The following INPP5A variants were observed in gnomAD, a reference collection of about 807,000 sequenced individuals.
INPP5A encodes the protein 43 kDa inositol polyphosphate 5-phophatase.
A neutral mutation model predicts 65.2 loss-of-function variants in INPP5A; 14 were observed. The ratio of observed to expected loss-of-function variants is 0.21; its 90% CI spans 0.14 to 0.34. INPP5A has a LOEUF of 0.34. Among genes scored for constraint, INPP5A ranks in the 10% least tolerant of loss-of-function variants. The pLI is 1.00. For synonymous variants in INPP5A, 207 were observed against 208.3 expected (o/e 0.99, Z 0.05); for missense variants, 431 against 545.6 (o/e 0.79, Z 2.09).
intron 1 of INPP5A, among the ~76,000 whole-genome samples, chr10:132,606,145 G>A (rs894406894): frequency 6.6e-6 from 1 of 152,202 alleles, no homozygotes; most frequent in Admixed American, 6.5e-5. Flanking sequence ...GCACGCAGCT[G>A]CAGCTGGATG....
chr10:132,555,048 G>C lies in INPP5A; in HGVS notation c.75+16877G>C, dbSNP rs556450055. 1.3e-5 allele frequency among the ~76,000 whole-genome samples: 2 copies of C among 151,392 alleles called. No homozygotes were observed. Among genetic ancestry groups the C allele is most frequent in the Admixed American group, 1.3e-4 (2 of 15,200 alleles). Reference sequence around the variant, plus strand: ...CATGGTATTGTGTGTGGCATGATTGGTATGGGTGGCGTGGTTGGCATTGAT... The same window carrying C: ...CATGGTATTGTGTGTGGCATGATTGCTATGGGTGGCGTGGTTGGCATTGAT... On this transcript the variant is annotated intron_variant, in intron 1 of 15. Transcript: ENST00000368594. The surrounding 1 kb of genome is among the most constrained non-coding windows in gnomAD (Gnocchi z 4.4).
At chr10:132,696,489 A>G (rs562353750) in intron 5 of INPP5A, among the ~76,000 whole-genome samples, 53 of 152,322 alleles carry the variant, frequency 3.5e-4, no homozygotes, top group African/African-American at 1.2e-3. Context: ...TTATTTGGTG[A>G]TAAAAAGAAA....
intron 1 of INPP5A, among the ~76,000 whole-genome samples, chr10:132,558,735 T>C (rs1304147839): frequency 6.6e-6 from 1 of 152,248 alleles, no homozygotes; most frequent in East Asian, 1.9e-4. Context: ...TCGCATGCAG[T>C]TGACCAGCTT....
At chr10:132,715,770 T>G (rs1845728555) in intron 8 of INPP5A, among the ~76,000 whole-genome samples, 1 of 152,252 alleles carries the variant, frequency 6.6e-6, no homozygotes, top group Admixed American at 6.5e-5. Flanking sequence ...ACACTCCCGC[T>G]GGCCTCGGAG....
Position 132,575,640 on chromosome 10 carries a change from A to G in INPP5A, c.76-32275A>G, listed in dbSNP as rs1321864281. ...GTGCGTTTATTTGAAATCCGTAAAC[A>G]GTGTTTATCTTGGCGAGGAGGAATC... On this transcript the variant is annotated intron_variant, in intron 1 of 15. Coordinates refer to ENST00000368594, the MANE Select transcript of INPP5A (RefSeq NM_005539.5). The surrounding 1 kb of genome is among the most constrained non-coding windows in gnomAD (Gnocchi z 5.4). 1.3e-5 allele frequency among the ~76,000 whole-genome samples: 2 copies of G among 152,290 alleles called. No homozygotes were observed. Among genetic ancestry groups the G allele is most frequent in the African/African-American group, 2.4e-5 (1 of 41,558 alleles).
intron 13 of INPP5A, among the ~76,000 whole-genome samples, chr10:132,778,672 G>A (rs1847105143): frequency 6.6e-6 from 1 of 152,210 alleles, no homozygotes; most frequent in Non-Finnish European, 1.5e-5. Flanking sequence ...GAAGGAGGCT[G>A]GAGACTCTGG....
At position 132,627,052 on chromosome 10, in the gene INPP5A, C is replaced by A. The variant is rs1233267235; in HGVS notation, c.118-18816C>A. On this transcript the variant is annotated intron_variant, in intron 2 of 15. Transcript: ENST00000368594. This position sits in a 1 kb window ranked among gnomAD's most constrained non-coding sequence, Gnocchi z 6.6. ...GGGTGAGATGAGGTTATGCGGTGGGCCCCCCGGATGGGATGGGTGCCCTTA... is the reference window on the plus strand; with the variant it reads ...GGGTGAGATGAGGTTATGCGGTGGGACCCCCGGATGGGATGGGTGCCCTTA... Among the ~76,000 whole-genome samples, 1 of 151,816 alleles carries A rather than the reference C, an allele frequency of 6.6e-6. No individual in the cohort carries two copies. Among genetic ancestry groups the A allele is most frequent in the Non-Finnish European group, 1.5e-5 (1 of 67,836 alleles).
At chr10:132,618,657 C>G (rs112875307) in intron 2 of INPP5A, among the ~76,000 whole-genome samples, 3,550 of 152,104 alleles carry the variant, frequency 0.023, 50 homozygotes, top group South Asian at 0.039. Context: ...AGGTTTAATT[C>G]GCTCACGGTT....
chr10:132,705,266 T>A lies in INPP5A; in HGVS notation c.475-3047T>A, dbSNP rs1396159564. Among the ~76,000 whole-genome samples the A allele has an allele frequency of 2.0e-5, 3 of 151,836 alleles. No homozygotes were observed. Among genetic ancestry groups the A allele is most frequent in the Non-Finnish European group, 4.4e-5 (3 of 67,940 alleles). Reference sequence around the variant, plus strand: ...GCCTCCCCGAGAGAGGAGGCGGACATGTTTGGAATCAGAGACAAGTGTCTG... The same window carrying A: ...GCCTCCCCGAGAGAGGAGGCGGACAAGTTTGGAATCAGAGACAAGTGTCTG... On this transcript the variant is annotated intron_variant, in intron 6 of 15. Transcript: ENST00000368594. This position sits in a 1 kb window ranked among gnomAD's most constrained non-coding sequence, Gnocchi z 4.9.
At chr10:132,541,369 C>G (rs79147925) in intron 1 of INPP5A, among the ~76,000 whole-genome samples, 2,901 of 152,236 alleles carry the variant, frequency 0.019, 39 homozygotes, top group South Asian at 0.031. Flanking sequence ...CTCAGCAGCC[C>G]CTGTTTGCTC....
intron 1 of INPP5A, among the ~76,000 whole-genome samples, chr10:132,576,247 C>T (rs1338081467): frequency 1.3e-5 from 2 of 152,194 alleles, no homozygotes; most frequent in Admixed American, 6.5e-5. Context: ...GCTGGTGTGC[C>T]CCTCCTGCCC....
chr10:132,679,656 A>T (rs544529331), intron 4 of INPP5A, among the ~76,000 whole-genome samples: 2 of 152,222 alleles, frequency 1.3e-5, no homozygotes, highest in African/African-American at 4.8e-5. Context: ...CAAATAAATA[A>T]TTCTGGATTA....
chr10:132,596,975 GCGTGTGTGCATGCA>G (rs2071708717), intron 1 of INPP5A, among the ~76,000 whole-genome samples: 2 of 140,280 alleles, frequency 1.4e-5, no homozygotes, highest in Non-Finnish European at 3.1e-5. Context: ...GTGTGTGCAT[GCGTGTGTGCATGCA>G]CGTGTGTTTG....
chr10:132,744,370 G>A (rs1445263392), intron 9 of INPP5A, among the ~76,000 whole-genome samples: 3 of 152,218 alleles, frequency 2.0e-5, no homozygotes. Context: ...AGCGGCCGCT[G>A]TCACCGAGGC....
intron 5 of INPP5A, among the ~76,000 whole-genome samples, chr10:132,691,532 G>T (rs1264389618): frequency 6.6e-6 from 1 of 152,258 alleles, no homozygotes; most frequent in East Asian, 1.9e-4. Context: ...CCGCGGATCT[G>T]CAGACCTTTT....
chr10:132,735,290 G>A (rs570698297), intron 9 of INPP5A, among the ~76,000 whole-genome samples: 2 of 152,344 alleles, frequency 1.3e-5, no homozygotes, highest in African/African-American at 4.8e-5. Flanking sequence ...CTCTGGGGTG[G>A]TTTTCAGATT....
At chr10:132,655,539 T>G (rs913103885) in intron 4 of INPP5A, among the ~76,000 whole-genome samples, 5 of 152,320 alleles carry the variant, frequency 3.3e-5, no homozygotes, top group African/African-American at 1.2e-4. Flanking sequence ...AGAGCCGACG[T>G]CGGCCAGAGG....
intron 9 of INPP5A, among the ~76,000 whole-genome samples, chr10:132,730,346 G>A (rs1015541604): frequency 5.9e-5 from 9 of 152,236 alleles, no homozygotes; most frequent in Admixed American, 3.3e-4. Flanking sequence ...TGGGCGAGTC[G>A]GGTGACAGAC....
intron 12 of INPP5A, among the ~76,000 whole-genome samples, chr10:132,770,515 C>G (rs935424849): frequency 1.2e-4 from 19 of 152,210 alleles, no homozygotes; most frequent in Admixed American, 3.3e-4. Context: ...CTGCATCATT[C>G]ATTTATTAAG....
Sources: gnomAD v4.1 joint callset for allele counts (sites outside exome capture counted in the v4.1 genomes callset) on GRCh38, gnomAD v4.1.1 for gene constraint, Gnocchi (gnomAD v3.1) non-coding constraint, MANE v1.5 for transcripts, NCBI Gene and HGNC (gene_info 2026-07-23, HGNC 2026-07-21) for gene names.